MAP3K19: variants seen among roughly 807,000 people sequenced by gnomAD.
The protein encoded by MAP3K19 is SPS1/STE20-related protein kinase YSK4.
In MAP3K19, 91 loss-of-function variants were observed where a neutral mutation model predicts 114.4. That is an observed-to-expected ratio of 0.80 (90% CI 0.67 to 0.95). MAP3K19 has a LOEUF of 0.95. MAP3K19 is among the 40% of genes least tolerant of loss of function. MAP3K19 has a pLI of 0.00. For missense variants in MAP3K19, 1,471 were observed against 1,573.2 expected (o/e 0.94, Z 1.10); for synonymous variants, 518 against 530.5 (o/e 0.98, Z 0.32).
In MAP3K19 at chr2:135,014,747, T is replaced by C. The variant is rs79997628; in HGVS notation, c.138+6968A>G. On this transcript the variant is annotated intron_variant, in intron 5 of 12. Coordinates refer to ENST00000392915, the MANE Select transcript of MAP3K19 (RefSeq NM_025052.5). ...CTGAATTCTAACACCATAGATTAGC[T>C]TTGTTATTCCTCCTTTTGTTTTTAT... Among the ~76,000 whole-genome samples the C allele has an allele frequency of 7.0e-4, 106 of 152,346 alleles. 1 individual carries two copies. In the East Asian group the frequency reaches 0.019, roughly 28 times the overall value.
At chr2:135,036,253 T>C (rs1688523009) in intron 2 of MAP3K19, among the ~76,000 whole-genome samples, 1 of 152,156 alleles carries the variant, frequency 6.6e-6, no homozygotes, top group African/African-American at 2.4e-5. Flanking sequence ...TTGACCACTT[T>C]CTCAAAAGAC....
intron 8 of MAP3K19, among the ~76,000 whole-genome samples, chr2:134,997,558 C>T (rs960685504): frequency 1.1e-4 from 17 of 152,128 alleles, no homozygotes; most frequent in African/African-American, 3.1e-4. Context: ...CAGTGGCTCA[C>T]ACCTGTAATC....
intron 12 of MAP3K19, among the ~76,000 whole-genome samples, chr2:134,968,638 C>T (rs1422492129): frequency 2.1e-5 from 3 of 143,748 alleles, no homozygotes; most frequent in Admixed American, 6.9e-5. Context: ...TCAGACGGGG[C>T]GGCCGGGCAG....
In MAP3K19 at chr2:135,019,608, T is replaced by C. The variant is rs1048662594; in HGVS notation, c.138+2107A>G. Among the ~76,000 whole-genome samples the C allele has an allele frequency of 3.1e-4, 47 of 152,328 alleles. No individual in the cohort carries two copies. The South Asian group carries it at 3.7e-3, about 12-fold the overall frequency. ...TTGAGGCTCCAGTGAGCCATGTTTA[T>C]GCCAGGGCACTTCGGCCTGGGCAAC... On this transcript the variant is annotated intron_variant, in intron 5 of 12. Transcript: ENST00000392915.
At chr2:135,045,694 T>C (rs963286917) in intron 1 of MAP3K19, among the ~76,000 whole-genome samples, 4 of 152,172 alleles carry the variant, frequency 2.6e-5, no homozygotes, top group African/African-American at 9.7e-5. Flanking sequence ...ATTTCATAAG[T>C]AGTATCTATC....
chr2:135,035,167 C>T (rs189449812), intron 2 of MAP3K19, among the ~76,000 whole-genome samples: 2 of 152,188 alleles, frequency 1.3e-5, no homozygotes, highest in African/African-American at 2.4e-5. Flanking sequence ...GAGGCCGAAG[C>T]AGGTGGATCA....
rs536396418 is a variant in MAP3K19 at position 134,978,976 on chromosome 2, G to A, written c.3920+1845C>T. 2.0e-4 allele frequency among the ~76,000 whole-genome samples: 30 copies of A among 152,226 alleles called. No homozygotes were observed. The South Asian group carries it at 6.2e-3, about 32-fold the overall frequency. On this transcript the variant is annotated intron_variant, in intron 12 of 12. Coordinates refer to ENST00000392915, the MANE Select transcript of MAP3K19 (RefSeq NM_025052.5). ...CCCAGAACTTGATCTGTCAATAGGA[G>A]TACCCCCTCCATGCTTATTTCTCTC...
intron 12 of MAP3K19, among the ~76,000 whole-genome samples, chr2:134,967,632 C>A (rs899939351): frequency 9.2e-5 from 14 of 152,166 alleles, no homozygotes; most frequent in Admixed American, 2.0e-4. Context: ...CTTGAACTTC[C>A]TTATGACTTA....
intron 10 of MAP3K19, among the ~76,000 whole-genome samples, chr2:134,985,472 T>C (rs1685026396): frequency 1.3e-5 from 2 of 152,240 alleles, no homozygotes; most frequent in South Asian, 4.1e-4. Context: ...CTGCTGATAG[T>C]TGGAAATGAT....
At chr2:134,979,085 C>T (rs1378482843) in intron 12 of MAP3K19, among the ~76,000 whole-genome samples, 2 of 152,090 alleles carry the variant, frequency 1.3e-5, no homozygotes, top group Non-Finnish European at 1.5e-5. Flanking sequence ...TTTAAGAGTG[C>T]CTCGCCCTTT....
chr2:134,965,021 T>G, intron 12 of MAP3K19, 105 bp from the exon 13 acceptor site: 1 of 851,310 alleles, frequency 1.2e-6, no homozygotes, highest in East Asian at 2.7e-5. Context: ...CAACTTCTGA[T>G]AGTCAAACAG....
chr2:134,978,978 A>G (rs1286097672), intron 12 of MAP3K19, among the ~76,000 whole-genome samples: 1 of 152,080 alleles, frequency 6.6e-6, no homozygotes, highest in Non-Finnish European at 1.5e-5. Flanking sequence ...CAATAGGAGT[A>G]CCCCCTCCAT....
At chr2:135,036,293 T>G (rs1043430109) in intron 2 of MAP3K19, among the ~76,000 whole-genome samples, 11 of 152,258 alleles carry the variant, frequency 7.2e-5, no homozygotes, top group South Asian at 6.2e-4. Context: ...TTCAAAGTAC[T>G]AATAACAATT....
intron 2 of MAP3K19, among the ~76,000 whole-genome samples, chr2:135,037,429 A>G (rs1160685428): frequency 1.3e-5 from 2 of 152,190 alleles, no homozygotes; most frequent in African/African-American, 4.8e-5. Flanking sequence ...AGTAGCTTTC[A>G]TTGAATGTTA....
chr2:135,040,040 A>G (rs2104798130), intron 2 of MAP3K19, among the ~76,000 whole-genome samples: 1 of 152,292 alleles, frequency 6.6e-6, no homozygotes, highest in African/African-American at 2.4e-5. Flanking sequence ...ATTTCCAGGT[A>G]CTGATGGAGT....
At chr2:135,038,611 T>C (rs1383951547) in intron 2 of MAP3K19, among the ~76,000 whole-genome samples, 1 of 152,078 alleles carries the variant, frequency 6.6e-6, no homozygotes, top group East Asian at 1.9e-4. Flanking sequence ...CCCAGCACTT[T>C]GGGTGGCCAA....
In MAP3K19 at chr2:134,997,143, G is replaced by A. The variant is rs116011745; in HGVS notation, c.574+1595C>T. On this transcript the variant is annotated intron_variant, in intron 8 of 12. Coordinates refer to ENST00000392915, the MANE Select transcript of MAP3K19 (RefSeq NM_025052.5). ...GTAAATTTCAAGGAACAAGAGTCTA[G>A]GTCCACTTCAAGTCCAGATTTCTTA... Among the ~76,000 whole-genome samples, 491 of 152,248 alleles carry A rather than the reference G, an allele frequency of 3.2e-3. 2 individuals carry two copies. The highest frequency in any genetic ancestry group is 0.011 in the African/African-American group (452 of 41,546).
At chr2:134,972,287 C>T (rs930018760) in intron 12 of MAP3K19, among the ~76,000 whole-genome samples, 3 of 152,092 alleles carry the variant, frequency 2.0e-5, no homozygotes, top group Non-Finnish European at 4.4e-5. Flanking sequence ...CATCCTTCTA[C>T]TCTCTATGTT....
intron 12 of MAP3K19, among the ~76,000 whole-genome samples, chr2:134,975,087 G>A (rs1684136295): frequency 6.6e-6 from 1 of 152,176 alleles, no homozygotes; most frequent in African/African-American, 2.4e-5. Flanking sequence ...CTGAGTGGTA[G>A]CAGTGGTGTG....
Sources: allele counts gnomAD v4.1 joint callset (sites outside exome capture counted in the v4.1 genomes callset), GRCh38; gene constraint gnomAD v4.1.1; transcripts MANE v1.5; gene names NCBI Gene and HGNC (gene_info 2026-07-23, HGNC 2026-07-21).